LIMK1: variants seen among roughly 807,000 people sequenced by gnomAD.
LIMK1 encodes the protein LIM motif-containing protein kinase.
Under a neutral mutation model 77.6 loss-of-function variants are expected in LIMK1, and 21 were observed. The ratio of observed to expected loss-of-function variants is 0.27; its 90% CI spans 0.19 to 0.39. LIMK1 has a LOEUF of 0.39. Among genes scored for constraint, LIMK1 ranks in the 10% least tolerant of loss-of-function variants. The probability of loss-of-function intolerance (pLI) is 1.00; values close to 1 mark genes in which losing one functional copy is unlikely to be tolerated. For missense variants in LIMK1, 696 were observed against 901.6 expected (o/e 0.77, Z 2.92); for synonymous variants, 358 against 370.0 (o/e 0.97, Z 0.37).
chr7:74,102,236 A>G (rs1227862907), intron 5 of LIMK1, among the ~76,000 whole-genome samples: 1 of 152,094 alleles, frequency 6.6e-6, no homozygotes, highest in African/African-American at 2.4e-5. Flanking sequence ...TGCTAAAATA[A>G]TAAGTCCATT....
At chr7:74,105,594 A>G (rs902184062) in intron 5 of LIMK1, among the ~76,000 whole-genome samples, 4 of 152,030 alleles carry the variant, frequency 2.6e-5, no homozygotes, top group Non-Finnish European at 5.9e-5. Context: ...GGTGGAGACA[A>G]TGGTCCATTG....
At chr7:74,107,421 C>T (rs1799599439) in intron 8 of LIMK1, among the ~76,000 whole-genome samples, 1 of 152,140 alleles carries the variant, frequency 6.6e-6, no homozygotes, top group African/African-American at 2.4e-5. Context: ...CCTAGCCAGG[C>T]ACAGTAGTTT....
intron 4 of LIMK1, 149 bp downstream of exon 4, chr7:74,097,338 G>A (rs1311602391): frequency 1.3e-5 from 7 of 535,988 alleles, no homozygotes; most frequent in Admixed American, 1.1e-4. Context: ...TTCCCATCCC[G>A]GCATGGAAAC....
chr7:74,096,977 C>A, intron 3 of LIMK1, 103 bp from the exon 4 acceptor site: 5 of 1,075,568 alleles, frequency 4.6e-6, no homozygotes, highest in Non-Finnish European at 6.7e-6. Context: ...CGGGTCCCTG[C>A]AGTTGTTTTT....
intron 2 of LIMK1, among the ~76,000 whole-genome samples, chr7:74,094,602 C>G (rs1458068684): frequency 2.0e-5 from 3 of 152,186 alleles, no homozygotes; most frequent in African/African-American, 7.2e-5. Flanking sequence ...GGCGTGGGGG[C>G]TTCTGCGAGG....
At position 74,093,099 on chromosome 7, in the gene LIMK1, G is replaced by A. The variant is rs907529656; in HGVS notation, c.153-3523G>A. On this transcript the variant is annotated intron_variant, in intron 2 of 15. Transcript: ENST00000336180. ...AGACCAAGTCCCCTGGCACCCACGC[G>A]GCTGCAGCCTCCTCCTGTGCGCTGC... 1.4e-5 allele frequency: 20 copies of A among 1,399,578 alleles called. No individual in the cohort carries two copies. In the Admixed American group the frequency reaches 4.2e-4, roughly 29 times the overall value. 86.7% of individuals were successfully genotyped at this position (1,399,578 alleles called of 1,614,324 possible). A position where few individuals can be genotyped will look rare whatever the true frequency, so the allele number is the denominator to read the frequency against.
chr7:74,103,942 C>T (rs1008200401), intron 5 of LIMK1, among the ~76,000 whole-genome samples: 4 of 152,026 alleles, frequency 2.6e-5, no homozygotes, highest in African/African-American at 4.8e-5. Context: ...CTACAGGCAG[C>T]ACCACCATGC....
intron 12 of LIMK1, among the ~76,000 whole-genome samples, chr7:74,113,326 A>AAAAAC (rs1437308471): frequency 6.6e-6 from 1 of 151,946 alleles, no homozygotes; most frequent in East Asian, 1.9e-4. Flanking sequence ...CCTGTCTCAA[A>AAAAAC]AAAACAAAAC....
intron 5 of LIMK1, among the ~76,000 whole-genome samples, chr7:74,101,559 C>CT (rs1695105512): frequency 1.3e-5 from 2 of 152,164 alleles, no homozygotes; most frequent in Admixed American, 6.6e-5. Context: ...GTCTGCCTCA[C>CT]TGGGTAAGCA....
chr7:74,093,177 G>A, intron 2 of LIMK1: 1 of 1,524,722 alleles, frequency 6.6e-7, no homozygotes, highest in South Asian at 1.2e-5. Context: ...CCTGAGGGAG[G>A]ATGGGGAAGC....
chr7:74,119,051 A>T (rs992582525), intron 13 of LIMK1, among the ~76,000 whole-genome samples: 1 of 151,456 alleles, frequency 6.6e-6, no homozygotes, highest in East Asian at 1.9e-4. Context: ...GCCCGCCACC[A>T]CGCCTGGCTA....
intron 8 of LIMK1, 78 bp from the exon 9 acceptor site, chr7:74,107,793 T>G: frequency 9.0e-7 from 1 of 1,108,292 alleles, no homozygotes; most frequent in Non-Finnish European, 1.3e-6. Context: ...CTGGCAGTCC[T>G]GGGGTGGAGA....
At chr7:74,111,528 G>T (rs1005961859) in intron 10 of LIMK1, 120 bp from the exon 11 acceptor site, 4 of 753,796 alleles carry the variant, frequency 5.3e-6, no homozygotes, top group Non-Finnish European at 7.0e-6. Flanking sequence ...AGAAATCGGG[G>T]TGTTGGGGAG....
intron 5 of LIMK1, 113 bp downstream of exon 5, chr7:74,099,351 A>T: frequency 2.9e-6 from 3 of 1,045,620 alleles, no homozygotes; most frequent in East Asian, 2.4e-5. Context: ...TTGGGTACAG[A>T]TGGGGCCCAG....
At chr7:74,084,641 G>A (rs2115601968) in intron 1 of LIMK1, among the ~76,000 whole-genome samples, 1 of 152,278 alleles carries the variant, frequency 6.6e-6, no homozygotes, top group South Asian at 2.1e-4. Context: ...CCCTGTCCGT[G>A]CCCCAAACCC....
chr7:74,113,391 C>T (rs530950400), intron 12 of LIMK1, among the ~76,000 whole-genome samples: 6 of 151,820 alleles, frequency 4.0e-5, no homozygotes, highest in South Asian at 2.1e-4. Flanking sequence ...TTTGGGAGGC[C>T]GAAGTGGGTG....
intron 12 of LIMK1, chr7:74,115,422 GAA>G: frequency 5.5e-6 from 1 of 183,168 alleles, no homozygotes; most frequent in Non-Finnish European, 1.1e-5. Flanking sequence ...GACTCCGTCT[GAA>G]AAAAAAAACA....
In LIMK1 at chr7:74,112,033, G is replaced by A. The variant is rs782647803; in HGVS notation, c.1410+35G>A. ...AGGGCCCCACGTGGCTGGGTGTCAGGAGACAGCAGGAGCCCATCCAACCCC... is the reference window on the plus strand; with the variant it reads ...AGGGCCCCACGTGGCTGGGTGTCAGAAGACAGCAGGAGCCCATCCAACCCC... On this transcript the variant is annotated intron_variant, in intron 12 of 15. Coordinates refer to ENST00000336180, the MANE Select transcript of LIMK1 (RefSeq NM_002314.4). 17 of 1,516,676 alleles carry A rather than the reference G, an allele frequency of 1.1e-5. No homozygotes were observed. The South Asian group carries it at 1.8e-4, about 16-fold the overall frequency. 94.0% of individuals were successfully genotyped at this position (1,516,676 alleles called of 1,614,324 possible).
intron 13 of LIMK1, 56 bp downstream of exon 13, chr7:74,116,014 A>C: frequency 1.3e-6 from 2 of 1,571,992 alleles, no homozygotes; most frequent in Non-Finnish European, 8.7e-7. Flanking sequence ...GGGGGAGCCC[A>C]GGAGAGCTGT....
Sources: gnomAD v4.1 joint callset for allele counts (sites outside exome capture counted in the v4.1 genomes callset) on GRCh38, gnomAD v4.1.1 for gene constraint, MANE v1.5 for transcripts, NCBI Gene and HGNC (gene_info 2026-07-23, HGNC 2026-07-21) for gene names.